Variants in KAZN observed in about 807,000 individuals in gnomAD.
KAZN encodes kazrin, periplakin interacting protein.
A neutral mutation model predicts 87.4 loss-of-function variants in KAZN; 40 were observed. The observed-to-expected ratio is 0.46, with a 90% CI of 0.36 to 0.60. KAZN has a LOEUF of 0.60. Ranked by LOEUF, KAZN falls within the 20% of genes least tolerant of loss-of-function variation. The probability of loss-of-function intolerance (pLI) is 0.00; values close to 1 mark genes in which losing one functional copy is unlikely to be tolerated. For synonymous variants in KAZN, 466 were observed against 458.3 expected (o/e 1.02, Z -0.22); for missense variants, 898 against 1,073.9 (o/e 0.84, Z 2.29).
intron 2 of KAZN, among the ~76,000 whole-genome samples, chr1:14,340,312 GAGA>G (rs1380774058): frequency 6.6e-6 from 1 of 152,212 alleles, no homozygotes; most frequent in African/African-American, 2.4e-5. Context: ...TGTTTCTTTT[GAGA>G]AGATCACTTT....
chr1:14,268,425 A>G (rs1050995052), intron 2 of KAZN, among the ~76,000 whole-genome samples: 1 of 151,788 alleles, frequency 6.6e-6, no homozygotes, highest in African/African-American at 2.4e-5. Context: ...AGATTTTTGT[A>G]TAGAATGAGA....
intron 1 of KAZN, among the ~76,000 whole-genome samples, chr1:14,730,878 A>G (rs1430663571): frequency 6.6e-6 from 1 of 152,062 alleles, no homozygotes; most frequent in African/African-American, 2.4e-5. Context: ...ATTCTCCAAG[A>G]TGGTGGCCCT....
At chr1:15,042,749 C>A (rs1673048371) in intron 3 of KAZN, among the ~76,000 whole-genome samples, 3 of 152,308 alleles carry the variant, frequency 2.0e-5, no homozygotes, top group Non-Finnish European at 4.4e-5. Context: ...TCTCCCTCAG[C>A]CTCCCTGTCT....
intron 2 of KAZN, among the ~76,000 whole-genome samples, chr1:14,399,177 A>ATT (rs1483457348): frequency 6.6e-6 from 1 of 151,662 alleles, no homozygotes; most frequent in East Asian, 2.0e-4. Flanking sequence ...TTATTTATTT[A>ATT]TTTATATTTA....
chr1:14,473,708 C>T (rs1668575003), intron 2 of KAZN, among the ~76,000 whole-genome samples: 1 of 151,886 alleles, frequency 6.6e-6, no homozygotes, highest in Non-Finnish European at 1.5e-5. Flanking sequence ...CACTTCTAAT[C>T]TCATTCTGTT....
Position 15,050,125 on chromosome 1 carries a change from A to G in KAZN, c.726+5966A>G, listed in dbSNP as rs936703901. ...GTAGAGTAGAGTAGAGTAGTAGAGT[A>G]GGTCTCCATCTCAATAGAATAATAG... On this transcript the variant is annotated intron_variant, in intron 4 of 14. Coordinates refer to ENST00000376030, the MANE Select transcript of KAZN (RefSeq NM_201628.3). Among the ~76,000 whole-genome samples the G allele has an allele frequency of 9.8e-5, 13 of 133,218 alleles. 1 individual carries two copies. The highest frequency in any genetic ancestry group is 1.9e-4 in the Non-Finnish European group (12 of 64,320). 87.4% of individuals were successfully genotyped at this position (133,218 alleles called of 152,430 possible).
At chr1:14,884,703 G>T (rs1363981643) in intron 1 of KAZN, among the ~76,000 whole-genome samples, 1 of 152,208 alleles carries the variant, frequency 6.6e-6, no homozygotes, top group Admixed American at 6.5e-5. Context: ...TAGCTCTGAC[G>T]TGGGATCTGG....
At chr1:14,440,303 G>A (rs188118931) in intron 2 of KAZN, among the ~76,000 whole-genome samples, 2 of 152,344 alleles carry the variant, frequency 1.3e-5, no homozygotes, top group South Asian at 2.1e-4. Flanking sequence ...ACCTGGCGGA[G>A]GATTCCAGTC....
In KAZN at chr1:15,034,837, C is replaced by T. The variant is rs760874812; in HGVS notation, c.507C>T (p.Arg169=). ...MQQLYATLES[R]EEQLRDFIRN... is the part of the protein sequence containing the mutation. ...AGCTGTATGCCACACTGGAGAGCCG[C>T]GAGGAGCAGCTCCGAGACTTCATCC... is the stretch of plus-strand genomic sequence containing the variant. Residue 169 remains arginine, a synonymous_variant, in exon 3 of 15, where the codon CGC becomes CGT. Coordinates refer to ENST00000376030, the MANE Select transcript of KAZN (RefSeq NM_201628.3). The T allele has an allele frequency of 6.8e-6, 11 of 1,613,898 alleles. No individual in the cohort carries two copies. The highest frequency in any genetic ancestry group is 4.4e-5 in the South Asian group (4 of 91,062).
intron 2 of KAZN, among the ~76,000 whole-genome samples, chr1:14,259,836 G>C (rs562649233): frequency 1.3e-5 from 2 of 152,192 alleles, no homozygotes; most frequent in African/African-American, 4.8e-5. Context: ...CAGTGACTTT[G>C]GGTGACCTTG....
At chr1:14,171,791 T>C (rs897981736) in intron 1 of KAZN, among the ~76,000 whole-genome samples, 5 of 152,166 alleles carry the variant, frequency 3.3e-5, no homozygotes, top group African/African-American at 1.2e-4. Flanking sequence ...ACATCTGGAC[T>C]CATCTACATA....
intron 1 of KAZN, among the ~76,000 whole-genome samples, chr1:14,079,112 C>G (rs1481284539): frequency 1.3e-5 from 2 of 152,188 alleles, no homozygotes; most frequent in East Asian, 3.9e-4. Context: ...GCTGTACAAG[C>G]ATGGCACCAG....
At chr1:14,745,735 C>T (rs1265846869) in intron 1 of KAZN, among the ~76,000 whole-genome samples, 1 of 152,192 alleles carries the variant, frequency 6.6e-6, no homozygotes, top group East Asian at 1.9e-4. Context: ...CTAATAAGAT[C>T]AACGACTGAT....
chr1:14,206,611 T>C (rs1380192412), intron 2 of KAZN, among the ~76,000 whole-genome samples: 1 of 152,148 alleles, frequency 6.6e-6, no homozygotes, highest in Non-Finnish European at 1.5e-5. Flanking sequence ...TAAAATCTTT[T>C]AGTTTTTATA....
chr1:14,075,677 CG>C (rs1328792835), intron 1 of KAZN, among the ~76,000 whole-genome samples: 4 of 152,086 alleles, frequency 2.6e-5, no homozygotes, highest in Admixed American at 2.0e-4. Context: ...TGCTCTTTCC[CG>C]GGGAAAATCA....
chr1:14,623,040 G>T (rs547238346), intron 1 of KAZN, among the ~76,000 whole-genome samples: 1 of 152,072 alleles, frequency 6.6e-6, no homozygotes, highest in African/African-American at 2.4e-5. Context: ...TATGTGAAAA[G>T]CGGTTTGACA....
At chr1:14,412,118 G>C (rs147143747) in intron 2 of KAZN, among the ~76,000 whole-genome samples, 5 of 152,198 alleles carry the variant, frequency 3.3e-5, no homozygotes, top group African/African-American at 1.2e-4. Flanking sequence ...GGAAAGAGGA[G>C]GAAAGTGTAC....
intron 1 of KAZN, among the ~76,000 whole-genome samples, chr1:14,002,855 G>A (rs1377706002): frequency 6.6e-6 from 1 of 152,130 alleles, no homozygotes; most frequent in Non-Finnish European, 1.5e-5. Context: ...CCATTACTGA[G>A]TATATACCCA....
At chr1:14,903,767 G>A (rs191073463) in intron 1 of KAZN, among the ~76,000 whole-genome samples, 99 of 152,270 alleles carry the variant, frequency 6.5e-4, no homozygotes, top group African/African-American at 2.0e-3. Context: ...TTTTAAAGTC[G>A]CGATCCCATT....
Sources: gnomAD v4.1 joint callset for allele counts (sites outside exome capture counted in the v4.1 genomes callset) on GRCh38, gnomAD v4.1.1 for gene constraint, MANE v1.5 for transcripts, NCBI Gene and HGNC (gene_info 2026-07-23, HGNC 2026-07-21) for gene names.